LRP1B: variants seen among roughly 807,000 people sequenced by gnomAD.
The protein encoded by LRP1B is low-density lipoprotein receptor-related protein 1B.
A neutral mutation model predicts 556.6 loss-of-function variants in LRP1B; 217 were observed. That is an observed-to-expected ratio of 0.39 (90% CI 0.35 to 0.44). The LOEUF (loss-of-function observed/expected upper bound fraction) is 0.44, where lower values mean the gene tolerates loss of function less well. Among genes scored for constraint, LRP1B ranks in the 20% least tolerant of loss-of-function variants. The pLI, the probability that LRP1B is intolerant of heterozygous loss-of-function variation, is 1.00. For missense variants in LRP1B, 5,053 were observed against 5,620.8 expected (o/e 0.90, Z 3.23); for synonymous variants, 2,047 against 1,865.8 (o/e 1.10, Z -2.50).
intron 7 of LRP1B, among the ~76,000 whole-genome samples, chr2:141,185,683 C>CAAAAAAAAAAAAAAAAA (rs148935362): frequency 2.3e-4 from 17 of 74,294 alleles, no homozygotes; most frequent in African/African-American, 8.3e-4. Flanking sequence ...GAAAAACAAA[C>CAAAAAAAAAAAAAAAAA]AAACAAAAAA....
chr2:140,624,340 T>C (rs1197646670), intron 41 of LRP1B, among the ~76,000 whole-genome samples: 2 of 152,192 alleles, frequency 1.3e-5, no homozygotes, highest in African/African-American at 4.8e-5. Flanking sequence ...AAATCAAATA[T>C]TTATCAAGAA....
At chr2:140,487,854 A>T in intron 57 of LRP1B, 115 bp from the exon 58 acceptor site, 1 of 582,006 alleles carries the variant, frequency 1.7e-6, no homozygotes, top group South Asian at 2.8e-5. Flanking sequence ...TCTATTTATT[A>T]TAATAAAGTA....
At chr2:141,398,676 A>G (rs1170897334) in intron 3 of LRP1B, among the ~76,000 whole-genome samples, 1 of 152,202 alleles carries the variant, frequency 6.6e-6, no homozygotes, top group East Asian at 1.9e-4. Context: ...CTCTAACATT[A>G]CTAAATACCA....
At chr2:140,766,864 A>ATAACATC (rs1689139126) in intron 35 of LRP1B, among the ~76,000 whole-genome samples, 2 of 62,144 alleles carry the variant, frequency 3.2e-5, no homozygotes, top group African/African-American at 7.4e-5. Flanking sequence ...ATATATATAT[A>ATAACATC]TAATATATAT....
At chr2:141,050,193 T>G (rs1440031250) in intron 10 of LRP1B, among the ~76,000 whole-genome samples, 1 of 151,752 alleles carries the variant, frequency 6.6e-6, no homozygotes. Flanking sequence ...TATTAAAATT[T>G]GGAAAATAAT....
At chr2:140,693,580 C>T (rs1358399084) in intron 41 of LRP1B, among the ~76,000 whole-genome samples, 2 of 152,136 alleles carry the variant, frequency 1.3e-5, no homozygotes, top group Non-Finnish European at 2.9e-5. Context: ...GTAACACTCT[C>T]CCCCTTTAAG....
chr2:140,723,505 A>G (rs1687487406), intron 35 of LRP1B, among the ~76,000 whole-genome samples: 1 of 151,320 alleles, frequency 6.6e-6, no homozygotes, highest in South Asian at 2.1e-4. Context: ...AGGGAAGGGA[A>G]CACATTTCTC....
chr2:141,386,581 C>T (rs1323798193), intron 3 of LRP1B, among the ~76,000 whole-genome samples: 1 of 151,896 alleles, frequency 6.6e-6, no homozygotes, highest in Non-Finnish European at 1.5e-5. Flanking sequence ...ACATTAACAT[C>T]AAACGAATTA....
chr2:140,896,240 A>G (rs541431513), intron 23 of LRP1B, among the ~76,000 whole-genome samples: 1 of 152,238 alleles, frequency 6.6e-6, no homozygotes, highest in African/African-American at 2.4e-5. Context: ...GAATATTGAG[A>G]TATGAGAAAA....
chr2:141,950,838 T>C (rs576264458), intron 1 of LRP1B, among the ~76,000 whole-genome samples: 1 of 152,260 alleles, frequency 6.6e-6, no homozygotes, highest in Non-Finnish European at 1.5e-5. Flanking sequence ...GTCAACTAAC[T>C]TTTGGTGTTT....
chr2:141,544,296 C>CTCTTCTTCTTCTTCTTCTTCTTCTTCTTT (rs1685379602), intron 2 of LRP1B, among the ~76,000 whole-genome samples: 3 of 78,358 alleles, frequency 3.8e-5, no homozygotes, highest in Admixed American at 1.3e-4. Flanking sequence ...AAATTTACCA[C>CTCTTCTTCTTCTTCTTCTTCTTCTTCTTT]TCTTCTTCTT....
At chr2:141,393,434 C>A (rs1055583878) in intron 3 of LRP1B, among the ~76,000 whole-genome samples, 1 of 152,134 alleles carries the variant, frequency 6.6e-6, no homozygotes, top group Non-Finnish European at 1.5e-5. Flanking sequence ...ATTTCCCAGG[C>A]CCAATTAGCA....
Position 140,237,068 on chromosome 2 carries a change from A to G in LRP1B, c.13560+1084T>C, listed in dbSNP as rs917649265. ...TAGCTATTTTTAAATATACAATACA[A>G]TATTGTTAACCACCATCACCTAACT... On this transcript the variant is annotated intron_variant, in intron 89 of 90. Coordinates refer to ENST00000389484, the MANE Select transcript of LRP1B (RefSeq NM_018557.3). Among the ~76,000 whole-genome samples the G allele has an allele frequency of 2.0e-5, 3 of 150,944 alleles. No homozygotes were observed. The Admixed American group carries it at 2.0e-4, about 10-fold the overall frequency.
chr2:141,551,553 C>T lies in LRP1B; in HGVS notation c.206-71020G>A, dbSNP rs902847755. Among the ~76,000 whole-genome samples the T allele has an allele frequency of 3.9e-5, 6 of 151,914 alleles. No homozygotes were observed. In the East Asian group the frequency reaches 7.7e-4, roughly 20 times the overall value. ...ATCAGCAAAATTAAAACTTACTGGT[C>T]GAACAATTTTGGCAAAATGACAAAG... On this transcript the variant is annotated intron_variant, in intron 2 of 90. Transcript: ENST00000389484.
Position 140,361,341 on chromosome 2 carries a change from CATATATATATATATATATAT to C in LRP1B, c.11132-2415_11132-2396del, listed in dbSNP as rs67208978. ...ATATTTATCAATGCTACTTGGAAAG[CATATATATATATATATATAT>C]ATATATATATATATATATAACAAAA... On this transcript the variant is annotated intron_variant, in intron 72 of 90. Transcript: ENST00000389484. Among the ~76,000 whole-genome samples, 60 of 30,730 alleles carry C rather than the reference CATATATATATATATATATAT, an allele frequency of 2.0e-3. 1 individual carries two copies. Among genetic ancestry groups the C allele is most frequent in the Admixed American group, 8.2e-3 (14 of 1,714 alleles). 20.2% of individuals were successfully genotyped at this position (30,730 alleles called of 152,430 possible).
intron 37 of LRP1B, among the ~76,000 whole-genome samples, chr2:140,707,030 C>T (rs1414061363): frequency 5.9e-5 from 9 of 152,052 alleles, no homozygotes; most frequent in Non-Finnish European, 1.5e-5. Flanking sequence ...TATCCTTATA[C>T]TCTACATATG....
At chr2:140,505,069 C>G (rs1268496056) in intron 53 of LRP1B, among the ~76,000 whole-genome samples, 1 of 152,188 alleles carries the variant, frequency 6.6e-6, no homozygotes, top group African/African-American at 2.4e-5. Flanking sequence ...GTCCACTTAC[C>G]TAACAGAAGA....
chr2:141,630,159 G>A (rs946901800), intron 2 of LRP1B, among the ~76,000 whole-genome samples: 9 of 152,128 alleles, frequency 5.9e-5, no homozygotes, highest in Admixed American at 3.9e-4. Flanking sequence ...ACCAGCTATC[G>A]GATTAAGTAG....
chr2:140,954,848 C>G (rs1695825784), intron 18 of LRP1B, among the ~76,000 whole-genome samples: 1 of 151,722 alleles, frequency 6.6e-6, no homozygotes, highest in South Asian at 2.1e-4. Flanking sequence ...ACCTTATAGT[C>G]CAACTTAGCT....
Sources: allele counts gnomAD v4.1 joint callset (sites outside exome capture counted in the v4.1 genomes callset), GRCh38; gene constraint gnomAD v4.1.1; transcripts MANE v1.5; gene names NCBI Gene and HGNC (gene_info 2026-07-23, HGNC 2026-07-21).